The following TSPOAP1 variants were observed in gnomAD, a reference collection of about 807,000 sequenced individuals.
TSPOAP1 encodes TSPO associated protein 1, also known as peripheral-type benzodiazepine receptor-associated protein 1.
A neutral mutation model predicts 197.0 loss-of-function variants in TSPOAP1; 87 were observed. That is an observed-to-expected ratio of 0.44 (90% CI 0.37 to 0.53). TSPOAP1 has a LOEUF of 0.53. TSPOAP1 is among the 20% of genes least tolerant of loss of function. The pLI, the probability that TSPOAP1 is intolerant of heterozygous loss-of-function variation, is 0.00. For missense variants in TSPOAP1, 2,174 were observed against 2,411.3 expected, an observed-to-expected ratio of 0.90 and a Z score of 2.06; for synonymous variants, 913 against 998.9, an observed-to-expected ratio of 0.91 and a Z score of 1.62.
Position 58,304,321 on chromosome 17 carries a change from G to C in TSPOAP1, c.*32+17C>G. On this transcript the variant is annotated intron_variant, in intron 31 of 31. Coordinates refer to ENST00000343736, the MANE Select transcript of TSPOAP1 (RefSeq NM_004758.4). The surrounding 1 kb of genome is among the most constrained non-coding windows in gnomAD (Gnocchi z 4.2). Reference sequence around the variant, plus strand: ...GTGGGGGTGGACGGTCACACAGGGGGGCAGTCCCCCACTTACATGTTGCTC... The same window carrying C: ...GTGGGGGTGGACGGTCACACAGGGGCGCAGTCCCCCACTTACATGTTGCTC... 6.2e-7 allele frequency: 1 copy of C among 1,608,544 alleles called. No homozygotes were observed. Among genetic ancestry groups the C allele is most frequent in the Non-Finnish European group, 8.5e-7 (1 of 1,175,364 alleles).
intron 28 of TSPOAP1, 37 bp downstream of exon 28, chr17:58,305,503 C>A: frequency 6.2e-7 from 1 of 1,612,054 alleles, no homozygotes; most frequent in Middle Eastern, 1.7e-4. Context: ...AAGGCTCTGC[C>A]ACCGCCCTTT....
At chr17:58,325,379 CT>C (rs1428145708) in intron 4 of TSPOAP1, 154 bp downstream of exon 4, 2 of 934,098 alleles carry the variant, frequency 2.1e-6, no homozygotes, top group East Asian at 2.6e-5. Context: ...CCCTTCTCCC[CT>C]CTCCCACCTG....
chr17:58,326,072 C>T lies in TSPOAP1; in HGVS notation c.570+221G>A, dbSNP rs544740940. Among the ~76,000 whole-genome samples the T allele has an allele frequency of 6.6e-6, 1 of 152,184 alleles. No individual in the cohort carries two copies. Among genetic ancestry groups the T allele is most frequent in the Non-Finnish European group, 1.5e-5 (1 of 68,026 alleles). ...ATCCTGCTCCCTGCCTGCTCAGGAA[C>T]CTCCCCATCCAGCTCTTCTCTGCCC... On this transcript the variant is annotated intron_variant, in intron 3 of 31. Coordinates refer to ENST00000343736, the MANE Select transcript of TSPOAP1 (RefSeq NM_004758.4). This position sits in a 1 kb window ranked among gnomAD's most constrained non-coding sequence, Gnocchi z 4.7.
chr17:58,305,715 A>G (rs1306779714), intron 27 of TSPOAP1, 72 bp from the exon 28 acceptor site: 2 of 1,423,036 alleles, frequency 1.4e-6, no homozygotes, highest in Non-Finnish European at 1.9e-6. Flanking sequence ...TCTGCCCCGG[A>G]CCCCTGCTGA....
intron 18 of TSPOAP1, 155 bp downstream of exon 18, chr17:58,311,416 T>C: frequency 7.9e-7 from 1 of 1,270,258 alleles, no homozygotes; most frequent in Non-Finnish European, 1.1e-6. Flanking sequence ...AAATCTGTCA[T>C]GTGCTGCCAA....
Position 58,304,206 on chromosome 17 carries a change from A to G in TSPOAP1, c.*32+132T>C, listed in dbSNP as rs1038695939. On this transcript the variant is annotated intron_variant, in intron 31 of 31. Coordinates refer to ENST00000343736, the MANE Select transcript of TSPOAP1 (RefSeq NM_004758.4). This position sits in a 1 kb window ranked among gnomAD's most constrained non-coding sequence, Gnocchi z 4.2. ...CTTCATGCAAATCTGGCTCATGGCA[A>G]GCTCTCCTTCGCCATTCCCTGGACT... 9 of 708,762 alleles carry G rather than the reference A, an allele frequency of 1.3e-5. No individual in the cohort carries two copies. The highest frequency in any genetic ancestry group is 2.5e-5 in the Admixed American group (1 of 39,998). The allele number at this position is 708,762 out of a possible 1,614,324, so 43.9% of individuals were successfully genotyped here.
At chr17:58,317,560 T>C (rs1360606476) in intron 14 of TSPOAP1, among the ~76,000 whole-genome samples, 1 of 152,158 alleles carries the variant, frequency 6.6e-6, no homozygotes, top group Non-Finnish European at 1.5e-5. Flanking sequence ...CATCCTTCTA[T>C]CCCACGAGGG....
At position 58,326,819 on chromosome 17, in the gene TSPOAP1, C is replaced by T; in HGVS notation, c.334-29G>A. The T allele has an allele frequency of 6.3e-7, 1 of 1,590,220 alleles. No homozygotes were observed. On this transcript the variant is annotated intron_variant, in intron 1 of 31. Coordinates refer to ENST00000343736, the MANE Select transcript of TSPOAP1 (RefSeq NM_004758.4). The surrounding 1 kb of genome is among the most constrained non-coding windows in gnomAD (Gnocchi z 4.7). ...GCATGGGAAAGGACCGAGGACAGCACCTCAGAAACCCACGTCACCCAGCCA... is the reference window on the plus strand; with the variant it reads ...GCATGGGAAAGGACCGAGGACAGCATCTCAGAAACCCACGTCACCCAGCCA...
intron 3 of TSPOAP1, 155 bp from the exon 4 acceptor site, chr17:58,325,868 C>G (rs1413025063): frequency 1.3e-6 from 1 of 742,402 alleles, no homozygotes. Context: ...AGCAGCCTCA[C>G]TCTACCCCAT....
At chr17:58,305,975 G>C in intron 26 of TSPOAP1, 110 bp from the exon 27 acceptor site, 1 of 1,261,940 alleles carries the variant, frequency 7.9e-7, no homozygotes, top group East Asian at 2.4e-5. Flanking sequence ...GGCAAGGAAG[G>C]CTGCCGAGGG....
chr17:58,318,298 C>A lies in TSPOAP1; in HGVS notation c.1854G>T (p.Lys618Asn). The change falls in exon 14 of 32, where the codon AAG (lysine) becomes AAT (asparagine). Residue 618 changes from lysine (K) to asparagine (N), a missense_variant. Coordinates refer to ENST00000343736, the MANE Select transcript of TSPOAP1 (RefSeq NM_004758.4). Reference protein sequence around the residue: ...SHSESIHNSPKSCPTPEVDTA... With the variant: ...SHSESIHNSPNSCPTPEVDTA... ...CAATTACCTCAGGTGTAGGGCATGA[C>A]TTGGGGCTGTTGTGGATGGACTCGG... 1.9e-6 allele frequency: 3 copies of A among 1,614,180 alleles called. No homozygotes were observed. The highest frequency in any genetic ancestry group is 2.5e-6 in the Non-Finnish European group (3 of 1,179,998).
Position 58,322,265 on chromosome 17 carries a change from C to T in TSPOAP1, c.1422+43G>A. On this transcript the variant is annotated intron_variant, in intron 10 of 31. Transcript: ENST00000343736. The surrounding 1 kb of genome is among the most constrained non-coding windows in gnomAD (Gnocchi z 5.0). Reference sequence around the variant, plus strand: ...CTTGTGGAATGAGTGAGTGGCAAAGCTGGTGTCCAGCAGCCTGCCAGCTTC... The same window carrying T: ...CTTGTGGAATGAGTGAGTGGCAAAGTTGGTGTCCAGCAGCCTGCCAGCTTC... 6.4e-7 allele frequency: 1 copy of T among 1,574,284 alleles called. No homozygotes were observed. Among genetic ancestry groups the T allele is most frequent in the East Asian group, 2.2e-5 (1 of 44,702 alleles).
Position 58,305,074 on chromosome 17 carries a change from T to C in TSPOAP1, c.5531A>G (p.Gln1844Arg). 1 of 1,613,836 alleles carries C rather than the reference T, an allele frequency of 6.2e-7. No homozygotes were observed. The highest frequency in any genetic ancestry group is 8.5e-7 in the Non-Finnish European group (1 of 1,179,834). ...CTCCTCACTGACCTGACTCTCAGCC[T>C]GGGGTGTCCTGGGTTCCCTGTCCAG... ...GGLDREPRTPQAESQRTRRRR... is the reference protein window; with the variant it reads ...GGLDREPRTPRAESQRTRRRR... The change falls in exon 30 of 32, where the codon CAG becomes CGG. Residue 1844 changes from glutamine to arginine, a missense_variant. By Grantham distance (43) the Gln-to-Arg change is conservative (BLOSUM62 1). Around this residue, in one of 5 missense-constraint regions of TSPOAP1, gnomAD observed 60 missense variants for 56.2 expected, o/e 1.07. Coordinates refer to ENST00000343736, the MANE Select transcript of TSPOAP1 (RefSeq NM_004758.4).
At chr17:58,314,829 C>A (rs568009186) in intron 16 of TSPOAP1, among the ~76,000 whole-genome samples, 11 of 152,234 alleles carry the variant, frequency 7.2e-5, no homozygotes, top group Non-Finnish European at 1.5e-4. Context: ...CGGAGTCAGG[C>A]ACATGCTCCA....
Position 58,322,501 on chromosome 17 carries a change from G to T in TSPOAP1, c.1318-89C>A. 2 of 1,554,164 alleles carry T rather than the reference G, an allele frequency of 1.3e-6. No homozygotes were observed. The highest frequency in any genetic ancestry group is 1.7e-6 in the Non-Finnish European group (2 of 1,149,888). On this transcript the variant is annotated intron_variant, in intron 9 of 31. Coordinates refer to ENST00000343736, the MANE Select transcript of TSPOAP1 (RefSeq NM_004758.4). This position sits in a 1 kb window ranked among gnomAD's most constrained non-coding sequence, Gnocchi z 5.0. ...GATGAGGAAGCCTCAAACACCATTT[G>T]CTCCAGATTCCTCTATTACAAAGGA... is the stretch of plus-strand genomic sequence containing the variant.
In TSPOAP1 at chr17:58,316,008, C is replaced by A. The variant is rs984009046; in HGVS notation, c.2098+15G>T. Reference sequence around the variant, plus strand: ...GCAGGGGAATGGACAGAATGACCCCCCACTACATTCCTACCTTCAAAAAAG... The same window carrying A: ...GCAGGGGAATGGACAGAATGACCCCACACTACATTCCTACCTTCAAAAAAG... On this transcript the variant is annotated intron_variant, in intron 16 of 31. Coordinates refer to ENST00000343736, the MANE Select transcript of TSPOAP1 (RefSeq NM_004758.4). 6.3e-6 allele frequency: 10 copies of A among 1,590,758 alleles called. No homozygotes were observed. The highest frequency in any genetic ancestry group is 1.7e-4 in the Middle Eastern group (1 of 6,044).
chr17:58,327,514 A>G (rs2143172153), intron 1 of TSPOAP1, 74 bp downstream of exon 1: 3 of 1,496,254 alleles, frequency 2.0e-6, no homozygotes, highest in South Asian at 2.5e-5. Flanking sequence ...ACCTCGCCTC[A>G]CCTCCTGGCC....
In TSPOAP1 at chr17:58,312,367, C is replaced by T. The variant is rs1242970222; in HGVS notation, c.2454G>A (p.Val818=). ...CACAGATATGGAAGCCGTGTAGCTC[C>T]ACTTGCTCAGGAGGCGGCTCCCAGG... is the stretch of plus-strand genomic sequence containing the variant. ...VLAWEPPPEQ[V]ELHGFHICVN... The change falls in exon 17 of 32, where the codon GTG becomes GTA. Residue 818 remains valine, a synonymous_variant. Coordinates refer to ENST00000343736, the MANE Select transcript of TSPOAP1 (RefSeq NM_004758.4). 1.2e-6 allele frequency: 2 copies of T among 1,612,194 alleles called. No individual in the cohort carries two copies. Among genetic ancestry groups the T allele is most frequent in the African/African-American group, 1.3e-5 (1 of 75,044 alleles).
chr17:58,311,559 G>T lies in TSPOAP1; in HGVS notation c.3081+12C>A, dbSNP rs773316600. 3 of 1,552,272 alleles carry T rather than the reference G, an allele frequency of 1.9e-6. No homozygotes were observed. Among genetic ancestry groups the T allele is most frequent in the South Asian group, 2.4e-5 (2 of 82,048 alleles). ...CACCCCCACTCCCAGGGTACAGTGG[G>T]CAGGGCTATACCTTCTGCCCATCAG... On this transcript the variant is annotated intron_variant, in intron 18 of 31. Transcript: ENST00000343736.
Sources: gnomAD v4.1 joint callset for allele counts (sites outside exome capture counted in the v4.1 genomes callset) on GRCh38, gnomAD v4.1.1 for gene constraint, gnomAD v4.1.1 regional missense constraint, Gnocchi (gnomAD v3.1) non-coding constraint, MANE v1.5 for transcripts, NCBI Gene and HGNC (gene_info 2026-07-23, HGNC 2026-07-21) for gene names.